The following PDE8B variants were observed in gnomAD, a reference collection of about 807,000 sequenced individuals.
The protein encoded by PDE8B is phosphodiesterase 8B.
PDE8B carries 26 observed loss-of-function variants against 101.3 expected under a neutral mutation model. The ratio of observed to expected loss-of-function variants is 0.26; its 90% CI spans 0.19 to 0.36. PDE8B has a LOEUF of 0.36. Among genes scored for constraint, PDE8B ranks in the 10% least tolerant of loss-of-function variants. PDE8B has a pLI of 1.00. For missense variants in PDE8B, 810 were observed against 1,163.1 expected (o/e 0.70, Z 4.42); for synonymous variants, 424 against 429.3 (o/e 0.99, Z 0.15).
chr5:77,123,599 A>G, the PDE8B span, among the ~76,000 whole-genome samples: 2 of 152,108 alleles, frequency 1.3e-5, no homozygotes, highest in Non-Finnish European at 2.9e-5. Context: ...CTCTACAAAA[A>G]ATACAAAAAA....
chr5:77,268,203 T>A (rs1762116000), intron 1 of PDE8B, among the ~76,000 whole-genome samples: 2 of 152,144 alleles, frequency 1.3e-5, no homozygotes, highest in African/African-American at 4.8e-5. Context: ...TTTTATTTTA[T>A]CATTATTTTG....
chr5:77,388,764 C>G (rs1789274801), intron 10 of PDE8B, among the ~76,000 whole-genome samples: 1 of 152,104 alleles, frequency 6.6e-6, no homozygotes, highest in South Asian at 2.1e-4. Flanking sequence ...TCAGAGATGG[C>G]CTGCCCAGAG....
intron 2 of PDE8B, among the ~76,000 whole-genome samples, chr5:77,316,511 G>A (rs1773798015): frequency 6.6e-6 from 1 of 152,074 alleles, no homozygotes; most frequent in South Asian, 2.1e-4. Flanking sequence ...GGATTACAGG[G>A]GTGAGCCACC....
In PDE8B at chr5:77,427,904, A is replaced by T. The variant is rs1172750335; in HGVS notation, c.*1350A>T. 1 of 152,216 alleles carries T rather than the reference A, an allele frequency of 6.6e-6. No homozygotes were observed. The highest frequency in any genetic ancestry group is 1.5e-5 in the Non-Finnish European group (1 of 68,038). 9.4% of individuals were successfully genotyped at this position (152,216 alleles called of 1,614,324 possible). A position where few individuals can be genotyped will look rare whatever the true frequency, so the allele number is the denominator to read the frequency against. On this transcript the variant is annotated 3_prime_UTR_variant, in exon 22 of 22. Transcript: ENST00000264917. ...AAACAGAGACTGAATTAATTGAATC[A>T]GTAATTACTTTTTTCCAATACAAAT...
At chr5:77,240,124 G>T (rs2149537678) in intron 1 of PDE8B, among the ~76,000 whole-genome samples, 1 of 151,758 alleles carries the variant, frequency 6.6e-6, no homozygotes, top group South Asian at 2.1e-4. Flanking sequence ...ATTCAATTGA[G>T]AGTTTTTTGA....
At chr5:77,088,261 CA>C in the PDE8B span, 1 of 152,432 alleles carries the variant, frequency 6.6e-6, no homozygotes, top group African/African-American at 2.4e-5. Context: ...CGGCAGTGTC[CA>C]GGGGCAGGAT....
chr5:77,291,118 G>C, intron 1 of PDE8B: 9 of 1,611,158 alleles, frequency 5.6e-6, no homozygotes, highest in African/African-American at 1.3e-5. Flanking sequence ...GCAGACCTCA[G>C]CTTAGTTGTT....
At chr5:77,249,909 A>G (rs1757721358) in intron 1 of PDE8B, among the ~76,000 whole-genome samples, 1 of 152,252 alleles carries the variant, frequency 6.6e-6, no homozygotes, top group East Asian at 1.9e-4. Context: ...AACAAAAACC[A>G]TTACAAGTCG....
intron 1 of PDE8B, among the ~76,000 whole-genome samples, chr5:77,286,277 T>G (rs1355419923): frequency 6.6e-6 from 1 of 152,198 alleles, no homozygotes; most frequent in Non-Finnish European, 1.5e-5. Flanking sequence ...CCTTAAAATC[T>G]TCCCTGTGCA....
chr5:77,211,024 GC>G lies in PDE8B; in HGVS notation c.100del (p.Gln34ArgfsTer31). ...CGCCCCGCCAGACCACCAGCGTGTC[GC>G]AGGGCCCGGCGGCACCCCTGCCCGG... Reference protein sequence around the residue: ...SSPRQTTSVSQGPAAPLPGLF... With the variant: ...SSPRQTTSVSXGPAAPLPGLF... On this transcript the variant is annotated frameshift_variant, in exon 1 of 22. Coordinates refer to ENST00000264917, the MANE Select transcript of PDE8B (RefSeq NM_003719.5). LOFTEE classifies it high-confidence loss of function. This position sits in a 1 kb window ranked among gnomAD's most constrained non-coding sequence, Gnocchi z 4.1. 6.5e-7 allele frequency: 1 copy of G among 1,544,142 alleles called. No individual in the cohort carries two copies. The highest frequency in any genetic ancestry group is 8.7e-7 in the Non-Finnish European group (1 of 1,155,374).
chr5:77,225,382 C>T (rs1208341105), intron 1 of PDE8B, among the ~76,000 whole-genome samples: 1 of 152,180 alleles, frequency 6.6e-6, no homozygotes, highest in African/African-American at 2.4e-5. Flanking sequence ...TACTGATGCT[C>T]AGTTGTCCTG....
intron 1 of PDE8B, chr5:77,213,820 C>G (rs886328125): frequency 6.6e-6 from 1 of 152,260 alleles, no homozygotes; most frequent in African/African-American, 2.4e-5. Flanking sequence ...CTCTCTCTCT[C>G]TTTTCTAGCA....
intron 10 of PDE8B, among the ~76,000 whole-genome samples, chr5:77,373,678 T>C (rs897280710): frequency 2.0e-5 from 3 of 152,356 alleles, no homozygotes; most frequent in African/African-American, 7.2e-5. Flanking sequence ...TTTATTTTCT[T>C]ATTGTAATAG....
chr5:77,423,430 A>G (rs764093304), intron 20 of PDE8B, among the ~76,000 whole-genome samples: 6 of 152,076 alleles, frequency 3.9e-5, no homozygotes, highest in Admixed American at 1.3e-4. Flanking sequence ...TCTTTGAGAA[A>G]TCTCCGAACT....
At chr5:77,134,744 G>A in the PDE8B span, among the ~76,000 whole-genome samples, 8 of 152,156 alleles carry the variant, frequency 5.3e-5, no homozygotes, top group Admixed American at 2.0e-4. Context: ...AATAAAGAGG[G>A]GGAGGGGAAT....
intron 1 of PDE8B, among the ~76,000 whole-genome samples, chr5:77,279,425 G>A (rs1486982955): frequency 6.6e-6 from 1 of 152,174 alleles, no homozygotes; most frequent in Non-Finnish European, 1.5e-5. Flanking sequence ...TGTCATCTGT[G>A]TGGTGATGCC....
chr5:77,205,942 A>G (rs1021659450), upstream of PDE8B, among the ~76,000 whole-genome samples: 3 of 152,180 alleles, frequency 2.0e-5, no homozygotes, highest in Non-Finnish European at 4.4e-5. Flanking sequence ...CATTGCTACC[A>G]ACAACTTTGT....
At chr5:77,374,595 A>G (rs537492877) in intron 10 of PDE8B, among the ~76,000 whole-genome samples, 3 of 152,294 alleles carry the variant, frequency 2.0e-5, no homozygotes, top group Admixed American at 6.5e-5. Context: ...ATATGGTACC[A>G]ATTCATGTGA....
intron 6 of PDE8B, among the ~76,000 whole-genome samples, chr5:77,338,931 G>A (rs1414132259): frequency 6.6e-6 from 1 of 152,134 alleles, no homozygotes; most frequent in East Asian, 1.9e-4. Context: ...TAGGTGCCAG[G>A]AGATGCCCTA....
Sources: gnomAD v4.1 joint callset for allele counts (sites outside exome capture counted in the v4.1 genomes callset) on GRCh38, gnomAD v4.1.1 for gene constraint, Gnocchi (gnomAD v3.1) non-coding constraint, MANE v1.5 for transcripts, NCBI Gene and HGNC (gene_info 2026-07-23, HGNC 2026-07-21) for gene names.